Variants in GFM1 observed in about 807,000 individuals in gnomAD.
GFM1 encodes the protein elongation factor G, mitochondrial.
In GFM1, 62 loss-of-function variants were observed where a neutral mutation model predicts 96.2. The observed-to-expected ratio is 0.64, with a 90% CI of 0.53 to 0.80. The LOEUF is 0.80. GFM1 is among the 30% of genes least tolerant of loss of function. GFM1 has a pLI of 0.00. For missense variants in GFM1, 852 were observed against 916.6 expected (o/e 0.93, Z 0.91); for synonymous variants, 282 against 312.9 (o/e 0.90, Z 1.04).
intron 13 of GFM1, among the ~76,000 whole-genome samples, chr3:158,678,025 C>T (rs1443385402): frequency 6.6e-6 from 1 of 152,158 alleles, no homozygotes; most frequent in Non-Finnish European, 1.5e-5. Context: ...GCTAAATCTA[C>T]TCTGCTTGTA....
intron 13 of GFM1, chr3:158,672,400 T>A: frequency 6.2e-7 from 1 of 1,613,978 alleles, no homozygotes; most frequent in Non-Finnish European, 8.5e-7. Flanking sequence ...CTGTGCGGGG[T>A]CCCCTGCTGG....
chr3:158,682,271 G>C (rs1210860313), intron 14 of GFM1, 114 bp downstream of exon 14: 1 of 861,320 alleles, frequency 1.2e-6, no homozygotes, highest in African/African-American at 1.7e-5. Context: ...TTTAGTTACA[G>C]TCCTGTTTCT....
rs1049116903 is a variant in GFM1, at chr3:158,660,816, TACC to T, written c.1222-55_1222-53del. ...TGTACTGTACAGTTTACTTTTTAGT[TACC>T]ACATCTTTATTTGTATTACTTGCAA... On this transcript the variant is annotated intron_variant, in intron 9 of 17. Transcript: ENST00000486715. 30 of 1,429,714 alleles carry T rather than the reference TACC, an allele frequency of 2.1e-5. No homozygotes were observed. In the Admixed American group the frequency reaches 4.5e-4, roughly 22 times the overall value. The allele number at this position is 1,429,714 out of a possible 1,614,324, so 88.6% of individuals were successfully genotyped here.
Position 158,691,313 on chromosome 3 carries a change from CTCT to C in GFM1, c.2125-22_2125-20del, listed in dbSNP as rs780231789. ...AAAACAAACAAACAAACAAAAAACC[CTCT>C]CTTTTTTTTAAATCCCTAGGGAAAG... On this transcript the variant is annotated intron_variant, in intron 17 of 17. Coordinates refer to ENST00000486715, the MANE Select transcript of GFM1 (RefSeq NM_024996.7). 380 of 1,613,438 alleles carry C rather than the reference CTCT, an allele frequency of 2.4e-4. No homozygotes were observed. In the African/African-American group the frequency reaches 4.7e-3, roughly 20 times the overall value.
In GFM1 at chr3:158,644,734, G is replaced by T. The variant is rs764267543; in HGVS notation, c.81+19G>T. 2.6e-6 allele frequency: 4 copies of T among 1,559,780 alleles called. No individual in the cohort carries two copies. Among genetic ancestry groups the T allele is most frequent in the Non-Finnish European group, 3.5e-6 (4 of 1,150,248 alleles). On this transcript the variant is annotated intron_variant, in intron 1 of 17. Coordinates refer to ENST00000486715, the MANE Select transcript of GFM1 (RefSeq NM_024996.7). ...GAAGCAGGTACCGGAGCATAGAGAGGCTAAATCGGGACCATTCCCGGAACC... is the reference window on the plus strand; with the variant it reads ...GAAGCAGGTACCGGAGCATAGAGAGTCTAAATCGGGACCATTCCCGGAACC...
chr3:158,681,604 A>G (rs554042864), intron 13 of GFM1, among the ~76,000 whole-genome samples: 2 of 152,326 alleles, frequency 1.3e-5, no homozygotes, highest in South Asian at 4.1e-4. Flanking sequence ...GTAGCCATCA[A>G]AGGTCCTATT....
chr3:158,649,381 C>G, intron 5 of GFM1: 1 of 398,468 alleles, frequency 2.5e-6, no homozygotes, highest in African/African-American at 2.0e-5. Flanking sequence ...ATACCCATAT[C>G]ACATTATGGC....
chr3:158,645,133 G>T (rs1259890550), intron 1 of GFM1, among the ~76,000 whole-genome samples: 1 of 152,066 alleles, frequency 6.6e-6, no homozygotes, highest in Non-Finnish European at 1.5e-5. Flanking sequence ...CAAGCTTCAT[G>T]AATTGTTTTT....
At chr3:158,678,405 A>G (rs1365004591) in intron 13 of GFM1, among the ~76,000 whole-genome samples, 3 of 152,206 alleles carry the variant, frequency 2.0e-5, no homozygotes, top group African/African-American at 7.2e-5. Context: ...GCCATTAAGA[A>G]CATTTGTGAT....
At chr3:158,671,277 GACTTTATTTA>G (rs1413981953) in intron 13 of GFM1, among the ~76,000 whole-genome samples, 2 of 152,174 alleles carry the variant, frequency 1.3e-5, no homozygotes, top group African/African-American at 2.4e-5. Flanking sequence ...ATCATCAAAA[GACTTTATTTA>G]ACCCCTGGAT....
At chr3:158,646,991 C>A in intron 4 of GFM1, 44 bp downstream of exon 4, 1 of 1,441,060 alleles carries the variant, frequency 6.9e-7, no homozygotes, top group Non-Finnish European at 9.8e-7. Flanking sequence ...ATGATCTAGA[C>A]AGCAAACCTT....
intron 5 of GFM1, chr3:158,651,150 G>A (rs1359605865): frequency 1.3e-5 from 2 of 151,648 alleles, no homozygotes; most frequent in African/African-American, 4.9e-5. Flanking sequence ...AACCTCTGGT[G>A]TAATGGAGAA....
At chr3:158,655,757 G>T in intron 8 of GFM1, 1 of 442,976 alleles carries the variant, frequency 2.3e-6, no homozygotes, top group Non-Finnish European at 4.5e-6. Context: ...GGCCAATACT[G>T]ATATATTATT....
chr3:158,654,502 T>TA (rs1347634940), intron 7 of GFM1, 45 bp from the exon 8 acceptor site: 3 of 1,144,156 alleles, frequency 2.6e-6, no homozygotes, highest in Non-Finnish European at 2.6e-6. Context: ...ATAAAAGAAA[T>TA]ATCATATATT....
At chr3:158,655,549 T>C (rs958009385) in intron 8 of GFM1, among the ~76,000 whole-genome samples, 2 of 152,034 alleles carry the variant, frequency 1.3e-5, no homozygotes, top group African/African-American at 4.8e-5. Context: ...TACATTCTTA[T>C]AGTACAACAT....
At chr3:158,679,408 A>T (rs1189773486) in intron 13 of GFM1, among the ~76,000 whole-genome samples, 1 of 152,202 alleles carries the variant, frequency 6.6e-6, no homozygotes, top group Non-Finnish European at 1.5e-5. Context: ...AAAGAAAATG[A>T]ACAAAAATGT....
rs538068046 is a variant in GFM1, at chr3:158,694,728, C to T, written c.*3261C>T. 6.7e-6 allele frequency among the ~76,000 whole-genome samples: 1 copy of T among 149,212 alleles called. No homozygotes were observed. The highest frequency in any genetic ancestry group is 1.5e-5 in the Non-Finnish European group (1 of 66,190). ...ACTTTACCTTAAAAAAAAAAGTGTT[C>T]CTATTTATATAAGCTTCCAACTGAC... On this transcript the variant is annotated 3_prime_UTR_variant, in exon 18 of 18. Coordinates refer to ENST00000486715, the MANE Select transcript of GFM1 (RefSeq NM_024996.7).
chr3:158,658,253 G>A (rs2108033363), intron 8 of GFM1, among the ~76,000 whole-genome samples: 1 of 136,688 alleles, frequency 7.3e-6, no homozygotes, highest in African/African-American at 2.8e-5. Flanking sequence ...TGCAACCTCC[G>A]CCTCCTGGGT....
rs563738760 is a variant in GFM1, at chr3:158,669,886, T to TG, written c.1601+3504dup. 5.6e-3 allele frequency among the ~76,000 whole-genome samples: 857 copies of TG among 152,336 alleles called. 15 individuals carry two copies. Among genetic ancestry groups the TG allele is most frequent in the African/African-American group, 0.02 (828 of 41,576 alleles). On this transcript the variant is annotated intron_variant, in intron 13 of 17. Coordinates refer to ENST00000486715, the MANE Select transcript of GFM1 (RefSeq NM_024996.7). Reference sequence around the variant, plus strand: ...AACTTTCAGTATATTTCAGTATTAATGGGGTGTCCATTTGCAAGGCCAGAT... The same window carrying TG: ...AACTTTCAGTATATTTCAGTATTAATGGGGGTGTCCATTTGCAAGGCCAGAT...
Sources: gnomAD v4.1 joint callset for allele counts (sites outside exome capture counted in the v4.1 genomes callset) on GRCh38, gnomAD v4.1.1 for gene constraint, MANE v1.5 for transcripts, NCBI Gene and HGNC (gene_info 2026-07-23, HGNC 2026-07-21) for gene names.